Variants in TENM2 observed in about 807,000 individuals in gnomAD.
TENM2 encodes the protein teneurin-2.
TENM2 carries 52 observed loss-of-function variants against 245.2 expected under a neutral mutation model. The observed-to-expected ratio is 0.21, with a 90% CI of 0.17 to 0.27. TENM2 has a LOEUF of 0.27. TENM2 is among the 10% of genes least tolerant of loss of function. The pLI, the probability that TENM2 is intolerant of heterozygous loss-of-function variation, is 1.00. For missense variants in TENM2, 3,046 were observed against 3,666.8 expected (o/e 0.83, Z 4.37); for synonymous variants, 1,363 against 1,438.9 (o/e 0.95, Z 1.19).
the TENM2 span, among the ~76,000 whole-genome samples, chr5:166,990,940 G>T: frequency 6.6e-6 from 1 of 151,984 alleles, no homozygotes; most frequent in Non-Finnish European, 1.5e-5. Context: ...TTTGAAAGAA[G>T]GCTCATCATG....
chr5:168,075,729 C>A (rs546941341), intron 7 of TENM2, among the ~76,000 whole-genome samples: 1 of 152,208 alleles, frequency 6.6e-6, no homozygotes, highest in Non-Finnish European at 1.5e-5. Flanking sequence ...TAAAGACATA[C>A]TCGAGACTGG....
chr5:167,212,842 C>T, the TENM2 span, among the ~76,000 whole-genome samples: 34 of 152,262 alleles, frequency 2.2e-4, 1 homozygote, highest in East Asian at 6.4e-3. Flanking sequence ...AAAATGCACC[C>T]TACTCCATAT....
At chr5:167,905,638 A>T (rs1486187266) in intron 3 of TENM2, among the ~76,000 whole-genome samples, 1 of 152,218 alleles carries the variant, frequency 6.6e-6, no homozygotes, top group Admixed American at 6.5e-5. Context: ...GAGTCTTTAC[A>T]AATAGGAGAA....
chr5:167,014,606 A>C, the TENM2 span, among the ~76,000 whole-genome samples: 1 of 152,302 alleles, frequency 6.6e-6, no homozygotes, highest in African/African-American at 2.4e-5. Context: ...AACTAGCAGA[A>C]CCCTGTTGCA....
At chr5:167,147,582 A>G in the TENM2 span, among the ~76,000 whole-genome samples, 1 of 152,170 alleles carries the variant, frequency 6.6e-6, no homozygotes, top group African/African-American at 2.4e-5. Flanking sequence ...GGAATATTTC[A>G]TATGTTCACA....
intron 2 of TENM2, among the ~76,000 whole-genome samples, chr5:167,848,387 G>C (rs1189223192): frequency 2.0e-5 from 3 of 152,010 alleles, no homozygotes; most frequent in African/African-American, 7.2e-5. Context: ...GTAAATCAAA[G>C]CCACTAAAAT....
intron 2 of TENM2, among the ~76,000 whole-genome samples, chr5:167,695,962 A>G (rs1429821793): frequency 6.6e-6 from 1 of 150,786 alleles, no homozygotes; most frequent in Non-Finnish European, 1.5e-5. Flanking sequence ...TGAACCTGGG[A>G]GGTGGAGCTT....
intron 3 of TENM2, among the ~76,000 whole-genome samples, chr5:167,924,203 G>A (rs1333676144): frequency 6.6e-6 from 1 of 152,178 alleles, no homozygotes; most frequent in African/African-American, 2.4e-5. Context: ...TTCCTTACAG[G>A]TGAGCAGAAT....
chr5:167,148,194 T>C, the TENM2 span, among the ~76,000 whole-genome samples: 2 of 152,212 alleles, frequency 1.3e-5, no homozygotes, highest in Non-Finnish European at 2.9e-5. Flanking sequence ...TCACCCTGCA[T>C]TGAATAAATA....
At chr5:167,223,155 G>A in the TENM2 span, among the ~76,000 whole-genome samples, 1 of 152,146 alleles carries the variant, frequency 6.6e-6, no homozygotes, top group Middle Eastern at 3.4e-3. Context: ...CATCACCCAA[G>A]TATTTATCAT....
chr5:167,330,440 G>A (rs1196727338), intron 1 of TENM2, among the ~76,000 whole-genome samples: 8 of 152,110 alleles, frequency 5.3e-5, no homozygotes, highest in Admixed American at 5.2e-4. Context: ...TATGCTTGCT[G>A]GGGTAGAAGT....
chr5:167,365,982 C>T (rs1424507773), intron 1 of TENM2, among the ~76,000 whole-genome samples: 1 of 151,474 alleles, frequency 6.6e-6, no homozygotes, highest in African/African-American at 2.4e-5. Context: ...GTATAGAAAA[C>T]AACAATTGAA....
intron 12 of TENM2, among the ~76,000 whole-genome samples, chr5:168,135,116 A>C (rs1754932217): frequency 6.6e-6 from 1 of 152,178 alleles, no homozygotes; most frequent in Non-Finnish European, 1.5e-5. Context: ...CCTTCTGGAA[A>C]ATCAAGACTC....
At chr5:167,919,429 A>G (rs928042544) in intron 3 of TENM2, among the ~76,000 whole-genome samples, 8 of 152,242 alleles carry the variant, frequency 5.3e-5, no homozygotes, top group African/African-American at 1.4e-4. Flanking sequence ...GCTAGTGCCT[A>G]TGAATAAATA....
intron 2 of TENM2, among the ~76,000 whole-genome samples, chr5:167,538,330 A>G (rs1183647829): frequency 6.6e-6 from 1 of 152,242 alleles, no homozygotes; most frequent in African/African-American, 2.4e-5. Flanking sequence ...CTCATCAAAC[A>G]CTTTGAACTT....
chr5:167,574,959 C>T (rs1379994425), intron 2 of TENM2, among the ~76,000 whole-genome samples: 3 of 152,040 alleles, frequency 2.0e-5, no homozygotes, highest in Non-Finnish European at 4.4e-5. Context: ...ATTGAACAAA[C>T]ACAAAATGCA....
At chr5:167,465,833 AAAG>A (rs1194933275) in intron 2 of TENM2, among the ~76,000 whole-genome samples, 1 of 149,126 alleles carries the variant, frequency 6.7e-6, no homozygotes, top group East Asian at 2.0e-4. Context: ...TGTCTCAAAA[AAAG>A]AAAGAAAGAA....
At chr5:167,310,470 A>G (rs1423894577) in intron 1 of TENM2, among the ~76,000 whole-genome samples, 1 of 152,162 alleles carries the variant, frequency 6.6e-6, no homozygotes, top group Non-Finnish European at 1.5e-5. Flanking sequence ...TTTTTTTCAA[A>G]AAATAAAAAA....
chr5:167,627,684 A>G (rs1188990989), intron 2 of TENM2, among the ~76,000 whole-genome samples: 3 of 151,808 alleles, frequency 2.0e-5, no homozygotes, highest in African/African-American at 7.3e-5. Context: ...CAGTCTCCCA[A>G]GTAGCTGGGA....
Sources: allele counts gnomAD v4.1 joint callset (sites outside exome capture counted in the v4.1 genomes callset), GRCh38; gene constraint gnomAD v4.1.1; transcripts MANE v1.5; gene names NCBI Gene and HGNC (gene_info 2026-07-23, HGNC 2026-07-21).